ANKRD36C: variants seen among roughly 807,000 people sequenced by gnomAD.
ANKRD36C encodes the protein ankyrin repeat domain 36C, also known as ankyrin repeat domain-containing protein 36C.
ANKRD36C carries 61 observed loss-of-function variants against 276.4 expected under a neutral mutation model. The ratio of observed to expected loss-of-function variants is 0.22; its 90% CI spans 0.18 to 0.27. ANKRD36C has a LOEUF of 0.27. Among genes scored for constraint, ANKRD36C ranks in the 10% least tolerant of loss-of-function variants. ANKRD36C has a pLI of 1.00. For synonymous variants in ANKRD36C, 483 were observed against 680.1 expected (o/e 0.71, Z 4.51); for missense variants, 1,447 against 2,032.3 (o/e 0.71, Z 5.54).
At chr2:95,911,715 C>A (rs531137079) in intron 42 of ANKRD36C, among the ~76,000 whole-genome samples, 1 of 151,562 alleles carries the variant, frequency 6.6e-6, no homozygotes, top group East Asian at 2.0e-4. Context: ...AGTGAGTTCA[C>A]TCAGGATTCC....
At chr2:95,910,475 T>A (rs1445453363) in intron 42 of ANKRD36C, 30 bp from the exon 46 acceptor site, 1 of 1,594,796 alleles carries the variant, frequency 6.3e-7, no homozygotes, top group South Asian at 1.1e-5. Context: ...AAATAATAAA[T>A]AAATAAAGTA....
At chr2:95,867,054 A>C (rs1675696483) in intron 60 of ANKRD36C, among the ~76,000 whole-genome samples, 1 of 152,200 alleles carries the variant, frequency 6.6e-6, no homozygotes, top group Non-Finnish European at 1.5e-5. Flanking sequence ...GTGATTTTTT[A>C]CAACTATATA....
rs112530592 is a variant in ANKRD36C at position 95,947,374 on chromosome 2, C to T, written c.1362+1156G>A. 6.7e-3 allele frequency among the ~76,000 whole-genome samples: 1,017 copies of T among 151,562 alleles called. 53 individuals are homozygous for T. Among genetic ancestry groups the T allele is most frequent in the Admixed American group, 0.059 (899 of 15,212 alleles). On this transcript the variant is annotated intron_variant, in intron 17 of 66. Transcript: ENST00000456556. ...GCATATTATGTTACCTGTAACATTC[C>T]ATTTAAAAAAAGCCCATTTCCCTGT...
At chr2:95,947,469 AC>A (rs1486333205) in intron 17 of ANKRD36C, among the ~76,000 whole-genome samples, 4 of 152,178 alleles carry the variant, frequency 2.6e-5, no homozygotes, top group African/African-American at 9.6e-5. Flanking sequence ...TGCTTAAGAT[AC>A]ATACAAATAG....
Position 95,852,124 on chromosome 2 carries a change from A to T in ANKRD36C, c.5219+2T>A. ...TATTTTGTGTGCTGCTTCAAATTTT[A>T]CTTTTGTGCGTCGCCTTCCATCTCC... On this transcript the variant is annotated splice_donor_variant, in intron 65 of 66. Coordinates refer to ENST00000456556, the Ensembl canonical transcript of ANKRD36C. LOFTEE classifies it high-confidence loss of function. 6.2e-7 allele frequency: 1 copy of T among 1,607,186 alleles called. No homozygotes were observed. Among genetic ancestry groups the T allele is most frequent in the African/African-American group, 1.3e-5 (1 of 74,804 alleles).
chr2:95,921,992 T>C (rs1301122852), intron 32 of ANKRD36C, among the ~76,000 whole-genome samples, 182 bp from the exon 33 acceptor site: 1 of 151,648 alleles, frequency 6.6e-6, no homozygotes, highest in African/African-American at 2.4e-5. Context: ...AATTGATGTG[T>C]CACGATATAT....
chr2:95,914,796 T>A (rs1293670329), intron 38 of ANKRD36C, among the ~76,000 whole-genome samples: 1 of 151,508 alleles, frequency 6.6e-6, no homozygotes, highest in Admixed American at 6.6e-5. Flanking sequence ...AACTTACACT[T>A]CACATCTCTT....
chr2:95,963,350 T>A (rs1232233868), intron 6 of ANKRD36C, among the ~76,000 whole-genome samples: 1 of 152,098 alleles, frequency 6.6e-6, no homozygotes, highest in Non-Finnish European at 1.5e-5. Flanking sequence ...TCATTGAAAA[T>A]AACCATTTTA....
chr2:95,958,644 T>C (rs1157587823), exon 12 of ANKRD36C: 1 of 1,548,358 alleles, frequency 6.5e-7, no homozygotes, highest in African/African-American at 1.4e-5. Context: ...CGAAACAGAA[T>C]CGTTCTTGTC....
At chr2:95,914,944 G>A (rs1205685460) in intron 38 of ANKRD36C, among the ~76,000 whole-genome samples, 2 of 151,368 alleles carry the variant, frequency 1.3e-5, no homozygotes. Flanking sequence ...CCTTCCAAAC[G>A]TTTCTTCATC....
Position 95,968,793 on chromosome 2 carries a change from A to T in ANKRD36C, c.800-6246T>A, listed in dbSNP as rs1315591223. On this transcript the variant is annotated intron_variant, in intron 6 of 66. Transcript: ENST00000456556. ...GAACTTCTAATCAACTTCCAGTTGGACTTCAAGTTGGGTTTCCCAGGACCC... is the reference window on the plus strand; with the variant it reads ...GAACTTCTAATCAACTTCCAGTTGGTCTTCAAGTTGGGTTTCCCAGGACCC... Among the ~76,000 whole-genome samples the T allele has an allele frequency of 3.3e-5, 5 of 152,294 alleles. No individual in the cohort carries two copies. The South Asian group carries it at 6.2e-4, about 19-fold the overall frequency.
At chr2:95,866,733 G>T (rs987629586) in intron 60 of ANKRD36C, among the ~76,000 whole-genome samples, 6 of 152,026 alleles carry the variant, frequency 3.9e-5, no homozygotes, top group Admixed American at 1.3e-4. Context: ...TTAAAAACAG[G>T]AATATGAAGG....
chr2:95,963,972 AATATATAT>A (rs1160108122), intron 6 of ANKRD36C, among the ~76,000 whole-genome samples: 25 of 48,986 alleles, frequency 5.1e-4, no homozygotes, highest in South Asian at 1.6e-3. Context: ...TATATATATA[AATATATAT>A]ATATATATAT....
chr2:95,860,030 T>C (rs1269914633), exon 61 of ANKRD36C: 1 of 1,546,452 alleles, frequency 6.5e-7, no homozygotes, highest in East Asian at 2.5e-5. Flanking sequence ...GTTAATCTTT[T>C]ACATAAACAA....
At chr2:95,951,292 A>G in intron 15 of ANKRD36C, 56 bp downstream of exon 15, 1 of 1,242,412 alleles carries the variant, frequency 8.0e-7, no homozygotes, top group African/African-American at 3.5e-5. Flanking sequence ...AAAAAAAAAA[A>G]AAAAACAAAT....
rs1371697368 is a variant in ANKRD36C at position 95,855,730 on chromosome 2, GAA to G, written c.4529_4530del (p.Val1510AlafsTer9). ...TTAGAAAGTTGCAGAGAAAGAATCA[GAA>G]CATGAGAATTCAAATTTTCCTGTAA... is the stretch of plus-strand genomic sequence containing the variant. On this transcript the variant is annotated frameshift_variant, in exon 63 of 67. Transcript: ENST00000456556. LOFTEE classifies it high-confidence loss of function. 6.2e-7 allele frequency: 1 copy of G among 1,613,256 alleles called. No homozygotes were observed. Among genetic ancestry groups the G allele is most frequent in the Non-Finnish European group, 8.5e-7 (1 of 1,179,824 alleles).
intron 44 of ANKRD36C, among the ~76,000 whole-genome samples, chr2:95,895,856 A>C (rs1393410159): frequency 6.6e-6 from 1 of 151,034 alleles, no homozygotes; most frequent in Non-Finnish European, 1.5e-5. Flanking sequence ...GTCAATATCA[A>C]TGTGGATATG....
chr2:95,962,376 T>C, exon 8 of ANKRD36C: 1 of 1,560,210 alleles, frequency 6.4e-7, no homozygotes, highest in Non-Finnish European at 8.7e-7. Context: ...TGTCCATCCT[T>C]TATTTCTGTG....
At chr2:95,894,926 C>T (rs544511908) in intron 44 of ANKRD36C, among the ~76,000 whole-genome samples, 1 of 150,626 alleles carries the variant, frequency 6.6e-6, no homozygotes, top group African/African-American at 2.4e-5. Context: ...TCTTTTCCCA[C>T]CTTCCTGCCT....
Sources: allele counts gnomAD v4.1 joint callset (sites outside exome capture counted in the v4.1 genomes callset), GRCh38; gene constraint gnomAD v4.1.1; transcripts MANE v1.5; gene names NCBI Gene and HGNC (gene_info 2026-07-23, HGNC 2026-07-21).